Variants in PBX1 observed in about 807,000 individuals in gnomAD.
PBX1 encodes the protein PBX homeobox 1.
A neutral mutation model predicts 53.4 loss-of-function variants in PBX1; 6 were observed. The ratio of observed to expected loss-of-function variants is 0.11; its 90% confidence interval spans 0.06 to 0.22. The LOEUF (loss-of-function observed/expected upper bound fraction) is 0.22. PBX1 is among the 10% of genes least tolerant of loss of function. PBX1 has a pLI of 1.00. For missense variants in PBX1, 251 were observed against 551.4 expected (o/e 0.46, Z 5.46); for synonymous variants, 204 against 212.3 (o/e 0.96, Z 0.34).
At chr1:164,685,605 T>G (rs1365789695) in intron 2 of PBX1, among the ~76,000 whole-genome samples, 2 of 152,180 alleles carry the variant, frequency 1.3e-5, no homozygotes, top group Admixed American at 6.5e-5. Context: ...AAAAGGGAAG[T>G]TAGTATTCAC....
At chr1:164,573,997 A>G (rs1206634918) in intron 2 of PBX1, among the ~76,000 whole-genome samples, 2 of 152,162 alleles carry the variant, frequency 1.3e-5, no homozygotes, top group South Asian at 2.1e-4. Context: ...AGCAATTGAA[A>G]TTGTTGCCTG....
chr1:164,880,504 T>C (rs1471165299), intron 2 of PBX1, among the ~76,000 whole-genome samples: 1 of 152,206 alleles, frequency 6.6e-6, no homozygotes, highest in Non-Finnish European at 1.5e-5. Flanking sequence ...TCCAGATCTT[T>C]TGGCCAAGCG....
intron 5 of PBX1, among the ~76,000 whole-genome samples, chr1:164,809,536 G>T (rs2102340414): frequency 6.6e-6 from 1 of 152,186 alleles, no homozygotes. Flanking sequence ...GTCAACTGTG[G>T]GATCCTAGGG....
At chr1:164,852,799 G>A (rs1671888354), downstream of PBX1, among the ~76,000 whole-genome samples, 1 of 152,178 alleles carries the variant, frequency 6.6e-6, no homozygotes, top group Admixed American at 6.5e-5. Flanking sequence ...AAAGTTTACA[G>A]CTATCTGCTA....
At chr1:164,761,263 G>A (rs1666798031) in intron 2 of PBX1, among the ~76,000 whole-genome samples, 2 of 152,182 alleles carry the variant, frequency 1.3e-5, no homozygotes, top group Non-Finnish European at 2.9e-5. Flanking sequence ...CACACATGTA[G>A]AGCAAATTAT....
rs140172877 is a variant in PBX1 at position 164,679,715 on chromosome 1, G to A, written c.266-112779G>A. On this transcript the variant is annotated intron_variant, in intron 2 of 8. Transcript: ENST00000420696. ...TTAGGAGACAAAATTTGCTATTATC[G>A]TATGTTTCACAGTTATGTTCTAAAT... Among the ~76,000 whole-genome samples the A allele has an allele frequency of 3.4e-3, 525 of 152,206 alleles. 2 individuals carry two copies. Among genetic ancestry groups the A allele is most frequent in the Non-Finnish European group, 4.4e-3 (301 of 68,020 alleles).
At chr1:164,786,271 G>A (rs578214338) in intron 2 of PBX1, among the ~76,000 whole-genome samples, 3 of 152,262 alleles carry the variant, frequency 2.0e-5, no homozygotes, top group South Asian at 2.1e-4. Context: ...GTGGGGAACC[G>A]CCTTTCAGGA....
chr1:164,799,180 T>C (rs758941641), intron 3 of PBX1, among the ~76,000 whole-genome samples: 2 of 152,108 alleles, frequency 1.3e-5, no homozygotes, highest in Non-Finnish European at 2.9e-5. Flanking sequence ...AAGAAACTTT[T>C]TTTTCTCTTA....
intron 2 of PBX1, among the ~76,000 whole-genome samples, chr1:164,593,450 C>T (rs1655542824): frequency 6.6e-6 from 1 of 152,112 alleles, no homozygotes; most frequent in Admixed American, 6.6e-5. Context: ...TGTCTGCTCC[C>T]ATACTGTCTC....
chr1:164,828,677 GT>G (rs141046730), intron 8 of PBX1: 29 of 146,584 alleles, frequency 2.0e-4, no homozygotes, highest in South Asian at 6.5e-4. Flanking sequence ...AAAGGGATAG[GT>G]TTTTTTTTTT....
intron 2 of PBX1, among the ~76,000 whole-genome samples, chr1:164,732,040 G>A (rs912596441): frequency 2.0e-5 from 3 of 152,094 alleles, no homozygotes; most frequent in Non-Finnish European, 2.9e-5. Context: ...GAGAGGGCCC[G>A]GACAACCTGG....
intron 2 of PBX1, among the ~76,000 whole-genome samples, chr1:164,883,322 C>T (rs1318571066): frequency 6.6e-6 from 1 of 152,152 alleles, no homozygotes; most frequent in African/African-American, 2.4e-5. Context: ...AATCAATTGT[C>T]ATTTTGGGAA....
chr1:164,710,932 G>T (rs756951750), intron 2 of PBX1, among the ~76,000 whole-genome samples: 1 of 152,202 alleles, frequency 6.6e-6, no homozygotes, highest in Non-Finnish European at 1.5e-5. Flanking sequence ...ACCTGCTGTT[G>T]TTGACCCCAT....
intron 6 of PBX1, chr1:164,813,398 A>G (rs1350738176): frequency 1.3e-5 from 2 of 152,238 alleles, no homozygotes; most frequent in Non-Finnish European, 2.9e-5. Flanking sequence ...TTAGATTCCT[A>G]TGAGGAGCAT....
intron 3 of PBX1, among the ~76,000 whole-genome samples, chr1:164,795,074 C>T (rs187246567): frequency 9.0e-4 from 136 of 151,550 alleles, no homozygotes; most frequent in African/African-American, 3.2e-3. Flanking sequence ...CAAAACACTG[C>T]GGCTGACATA....
chr1:164,843,579 G>T (rs1571515121), intron 8 of PBX1, among the ~76,000 whole-genome samples: 1 of 151,632 alleles, frequency 6.6e-6, no homozygotes, highest in East Asian at 1.9e-4. Flanking sequence ...GAGTGAAAGA[G>T]GTTTTGTTTA....
chr1:164,823,133 T>C (rs1423441058), intron 8 of PBX1, among the ~76,000 whole-genome samples: 7 of 152,198 alleles, frequency 4.6e-5, no homozygotes, highest in Non-Finnish European at 1.0e-4. Context: ...GTTAAACATA[T>C]TCTAGACAAT....
intron 2 of PBX1, among the ~76,000 whole-genome samples, chr1:164,583,283 GAA>G (rs35998948): frequency 1.8e-4 from 26 of 144,068 alleles, no homozygotes; most frequent in South Asian, 1.5e-3. Context: ...AGAGAGGCGG[GAA>G]AAAAAAAAAA....
At chr1:164,767,224 T>C (rs1667103298) in intron 2 of PBX1, among the ~76,000 whole-genome samples, 1 of 152,136 alleles carries the variant, frequency 6.6e-6, no homozygotes, top group South Asian at 2.1e-4. Context: ...CTATATAATT[T>C]GTGGGTCCCA....
Sources: allele counts gnomAD v4.1 joint callset (sites outside exome capture counted in the v4.1 genomes callset), GRCh38; gene constraint gnomAD v4.1.1; transcripts MANE v1.5; gene names NCBI Gene and HGNC (gene_info 2026-07-23, HGNC 2026-07-21).